MAEL: variants seen among roughly 807,000 people sequenced by gnomAD.
The protein encoded by MAEL is protein maelstrom homolog.
MAEL carries 46 observed loss-of-function variants against 62.0 expected under a neutral mutation model. The ratio of observed to expected loss-of-function variants is 0.74; its 90% CI spans 0.59 to 0.95. MAEL has a LOEUF of 0.95. Ranked by LOEUF, MAEL falls within the 40% of genes least tolerant of loss-of-function variation. The pLI is 0.00. For synonymous variants in MAEL, 172 were observed against 175.5 expected (o/e 0.98, Z 0.16); for missense variants, 497 against 526.8 (o/e 0.94, Z 0.55).
At chr1:166,992,136 C>T (rs183711049) in intron 3 of MAEL, among the ~76,000 whole-genome samples, 74 of 152,178 alleles carry the variant, frequency 4.9e-4, no homozygotes, top group African/African-American at 1.7e-3. Context: ...TGTGTTCTGC[C>T]TTTGTTGAAC....
chr1:166,978,003 G>A (rs1443999941), intron 1 of MAEL, among the ~76,000 whole-genome samples: 2 of 152,164 alleles, frequency 1.3e-5, no homozygotes, highest in African/African-American at 2.4e-5. Context: ...GTTTATACAT[G>A]TGAAAAATGG....
chr1:167,008,714 C>T (rs1357808212), intron 8 of MAEL, among the ~76,000 whole-genome samples: 1 of 151,838 alleles, frequency 6.6e-6, no homozygotes, highest in Non-Finnish European at 1.5e-5. Flanking sequence ...TTCTCTTAAT[C>T]ATTGTTTTCA....
upstream of MAEL, among the ~76,000 whole-genome samples, chr1:166,987,035 C>T (rs941063851): frequency 2.0e-5 from 3 of 150,388 alleles, no homozygotes; most frequent in African/African-American, 7.3e-5. Context: ...TTTTTAAAGT[C>T]AACTTTATTG....
At chr1:166,989,268 C>G, upstream of MAEL, 1 of 1,512,398 alleles carries the variant, frequency 6.6e-7, no homozygotes, top group Admixed American at 2.1e-5. Context: ...TGCGCAGGCG[C>G]CTACCTCTGT....
At chr1:167,000,265 T>A (rs751332132) in intron 5 of MAEL, among the ~76,000 whole-genome samples, 6 of 152,188 alleles carry the variant, frequency 3.9e-5, no homozygotes, top group Admixed American at 3.3e-4. Flanking sequence ...ACATAATTCA[T>A]TGGAGGAGGT....
intron 3 of MAEL, 66 bp from the exon 4 acceptor site, chr1:166,992,617 AGAG>A: frequency 8.4e-7 from 1 of 1,193,776 alleles, no homozygotes. Flanking sequence ...CTTCAACTAA[AGAG>A]GCTTTTGTGG....
At chr1:167,014,142 T>C (rs1366921545) in intron 8 of MAEL, among the ~76,000 whole-genome samples, 4 of 152,200 alleles carry the variant, frequency 2.6e-5, no homozygotes, top group African/African-American at 4.8e-5. Flanking sequence ...ATGTCTTCTA[T>C]GGAGGCCTCT....
At chr1:166,989,240 C>G (rs1426149980), upstream of MAEL, 4 of 1,377,786 alleles carry the variant, frequency 2.9e-6, no homozygotes, top group Middle Eastern at 2.4e-4. Flanking sequence ...CCTGATTGGC[C>G]GAGAGTTGCG....
At chr1:166,984,543 A>C (rs1013250568), upstream of MAEL, among the ~76,000 whole-genome samples, 2 of 152,170 alleles carry the variant, frequency 1.3e-5, no homozygotes, top group Non-Finnish European at 1.5e-5. Flanking sequence ...TGTATCTGTC[A>C]ATTAAAAATA....
chr1:167,003,656 A>G (rs1192894777), intron 5 of MAEL, among the ~76,000 whole-genome samples: 3 of 152,198 alleles, frequency 2.0e-5, no homozygotes, highest in Non-Finnish European at 4.4e-5. Context: ...TATATTCTCT[A>G]ATCTTAACCC....
At chr1:166,988,009 C>G (rs1368222367), upstream of MAEL, among the ~76,000 whole-genome samples, 1 of 152,122 alleles carries the variant, frequency 6.6e-6, no homozygotes, top group East Asian at 1.9e-4. Context: ...ATAGTTTATA[C>G]TAAGAATGGT....
chr1:166,980,144 A>G (rs1663715232), intron 1 of MAEL, among the ~76,000 whole-genome samples: 3 of 152,028 alleles, frequency 2.0e-5, no homozygotes, highest in Admixed American at 2.0e-4. Context: ...CAGCTTCCCA[A>G]GTAGCTGGGA....
intron 4 of MAEL, among the ~76,000 whole-genome samples, chr1:166,993,384 C>A (rs866511901): frequency 3.6e-4 from 55 of 152,258 alleles, no homozygotes; most frequent in African/African-American, 1.2e-3. Context: ...ACTGTTCCAT[C>A]CCATTAAAAA....
chr1:166,983,345 G>A (rs772374626), intron 1 of MAEL, among the ~76,000 whole-genome samples: 4 of 152,066 alleles, frequency 2.6e-5, no homozygotes, highest in Non-Finnish European at 4.4e-5. Flanking sequence ...CTAAACGCTA[G>A]TGTTCCTCAG....
chr1:166,995,494 G>T (rs1371155010), intron 5 of MAEL, among the ~76,000 whole-genome samples: 1 of 151,550 alleles, frequency 6.6e-6, no homozygotes, highest in Non-Finnish European at 1.5e-5. Flanking sequence ...CCTGCCTCAG[G>T]CTCTCAAAGT....
chr1:167,014,313 A>G (rs1236055497), intron 8 of MAEL, among the ~76,000 whole-genome samples: 2 of 152,230 alleles, frequency 1.3e-5, no homozygotes, highest in Non-Finnish European at 2.9e-5. Flanking sequence ...ATGCAGTTTT[A>G]TACTTTATCA....
chr1:166,989,931 G>T, intron 2 of MAEL, 102 bp downstream of exon 2: 1 of 948,378 alleles, frequency 1.1e-6, no homozygotes, highest in South Asian at 1.7e-5. Context: ...GACTGCTTTG[G>T]GGGTTCGGTT....
At chr1:167,004,352 A>C in intron 6 of MAEL, 48 bp downstream of exon 6, 1 of 1,511,198 alleles carries the variant, frequency 6.6e-7, no homozygotes, top group Non-Finnish European at 8.9e-7. Flanking sequence ...TTATAGTACC[A>C]AAAGATCCAT....
chr1:167,001,168 A>G (rs1322120170), intron 5 of MAEL, among the ~76,000 whole-genome samples: 1 of 152,244 alleles, frequency 6.6e-6, no homozygotes, highest in Non-Finnish European at 1.5e-5. Flanking sequence ...AGGAATGGAA[A>G]ACCAAACACA....
Sources: allele counts gnomAD v4.1 joint callset (sites outside exome capture counted in the v4.1 genomes callset), GRCh38; gene constraint gnomAD v4.1.1; transcripts MANE v1.5; gene names NCBI Gene and HGNC (gene_info 2026-07-23, HGNC 2026-07-21).